XPO6: variants seen among roughly 807,000 people sequenced by gnomAD.
The protein encoded by XPO6 is exportin-6.
Under a neutral mutation model 130.0 loss-of-function variants are expected in XPO6, and 3 were observed. The observed-to-expected ratio is 0.02, with a 90% CI of 0.01 to 0.06. The LOEUF (loss-of-function observed/expected upper bound fraction) is 0.06, where lower values mean the gene tolerates loss of function less well. XPO6 is among the 10% of genes least tolerant of loss of function. The pLI, the probability that XPO6 is intolerant of heterozygous loss-of-function variation, is 1.00. For missense variants in XPO6, 970 were observed against 1,393.0 expected, an observed-to-expected ratio of 0.70 and a Z score of 4.83; for synonymous variants, 524 against 548.9, an observed-to-expected ratio of 0.95 and a Z score of 0.63.
chr16:28,110,131 C>T (rs1280992148), intron 17 of XPO6, among the ~76,000 whole-genome samples: 1 of 152,078 alleles, frequency 6.6e-6, no homozygotes, highest in Non-Finnish European at 1.5e-5. Context: ...GAGGATAAGA[C>T]ATACCTCACA....
intron 7 of XPO6, 53 bp from the exon 8 acceptor site, chr16:28,152,838 A>G: frequency 6.3e-7 from 1 of 1,585,142 alleles, no homozygotes; most frequent in Non-Finnish European, 8.5e-7. Flanking sequence ...ACCTCCTTAG[A>G]ACTTAAATTC....
intron 1 of XPO6, among the ~76,000 whole-genome samples, chr16:28,181,308 C>A (rs1225026333): frequency 6.6e-6 from 1 of 152,176 alleles, no homozygotes; most frequent in Non-Finnish European, 1.5e-5. Flanking sequence ...CAAAATTCAA[C>A]TCTGGAATAA....
chr16:28,162,398 A>G (rs567397936), intron 6 of XPO6, among the ~76,000 whole-genome samples: 3 of 152,336 alleles, frequency 2.0e-5, no homozygotes, highest in Admixed American at 6.5e-5. Flanking sequence ...CTTCCAATGC[A>G]AACCTAAGAG....
chr16:28,180,422 G>T (rs573180964), intron 2 of XPO6, among the ~76,000 whole-genome samples: 1 of 152,242 alleles, frequency 6.6e-6, no homozygotes, highest in African/African-American at 2.4e-5. Flanking sequence ...CAGGCAGTGG[G>T]AAGCCCCCAA....
intron 9 of XPO6, among the ~76,000 whole-genome samples, chr16:28,142,000 T>C (rs1365325353): frequency 6.6e-6 from 1 of 152,230 alleles, no homozygotes; most frequent in African/African-American, 2.4e-5. Context: ...CTATGTATAT[T>C]TGTGCTTCTA....
In XPO6 at chr16:28,156,098, C is replaced by T. The variant is rs768794412; in HGVS notation, c.1073G>A (p.Ser358Asn). The change falls in exon 7 of 24, where the codon AGC becomes AAC. Residue 358 changes from serine to asparagine, a missense_variant. Ser to Asn is a conservative substitution (Grantham distance 46). Transcript: ENST00000304658. ...TKDNNAHTVK[S>N]RLEELDESYI... Reference sequence around the variant, plus strand: ...CCTCTCATCGAGCTCTTCTAGCCTGCTCTTCACTGTGTGGGCATTGTTATC... The same window carrying T: ...CCTCTCATCGAGCTCTTCTAGCCTGTTCTTCACTGTGTGGGCATTGTTATC... 3 of 1,610,622 alleles carry T rather than the reference C, an allele frequency of 1.9e-6. No individual in the cohort carries two copies. The highest frequency in any genetic ancestry group is 1.3e-5 in the African/African-American group (1 of 75,050).
chr16:28,105,168 T>A (rs2086746125), intron 20 of XPO6, among the ~76,000 whole-genome samples: 1 of 152,216 alleles, frequency 6.6e-6, no homozygotes, highest in Admixed American at 6.5e-5. Flanking sequence ...CCACGGAGGC[T>A]AAAGACAGAC....
At chr16:28,112,850 C>A in intron 16 of XPO6, 54 bp downstream of exon 16, 1 of 1,571,360 alleles carries the variant, frequency 6.4e-7, no homozygotes, top group Non-Finnish European at 8.7e-7. Flanking sequence ...CCTCAGCTTC[C>A]TTGGGTCTCA....
chr16:28,156,290 C>A lies in XPO6; in HGVS notation c.881G>T (p.Gly294Val). Residue 294 changes from glycine to valine, a missense_variant, in exon 7 of 24, where the codon GGC (glycine) becomes GTC (valine). Transcript: ENST00000304658. ...ACCCGAGACACAGTTCTGGCTGCTG[C>A]CGTTAACTGACGCCATCTTTCTGGC... ...IRARKMASVN[G>V]SSQNCVSGQE... The A allele has an allele frequency of 6.2e-7, 1 of 1,614,122 alleles. No individual in the cohort carries two copies. The highest frequency in any genetic ancestry group is 8.5e-7 in the Non-Finnish European group (1 of 1,180,018).
intron 5 of XPO6, among the ~76,000 whole-genome samples, chr16:28,167,881 T>C (rs938199933): frequency 7.3e-6 from 1 of 137,044 alleles, no homozygotes; most frequent in African/African-American, 2.8e-5. Context: ...GGCAAATCCA[T>C]AGAGACAGAC....
chr16:28,134,351 C>T (rs970437193), intron 10 of XPO6, among the ~76,000 whole-genome samples: 16 of 152,224 alleles, frequency 1.1e-4, no homozygotes, highest in Non-Finnish European at 1.8e-4. Flanking sequence ...GTCAGAGATG[C>T]AAATTCTATG....
At chr16:28,170,264 G>A (rs1041515838) in intron 4 of XPO6, among the ~76,000 whole-genome samples, 1 of 151,260 alleles carries the variant, frequency 6.6e-6, no homozygotes. Context: ...CCCAGGAGGT[G>A]GAGGTTGTGG....
chr16:28,208,521 C>CA (rs1447077649), intron 1 of XPO6, among the ~76,000 whole-genome samples: 1 of 152,160 alleles, frequency 6.6e-6, no homozygotes, highest in Non-Finnish European at 1.5e-5. Flanking sequence ...ACAAAAAGGA[C>CA]AATCCTATTC....
At chr16:28,142,713 G>C (rs1391619464) in intron 9 of XPO6, among the ~76,000 whole-genome samples, 1 of 152,120 alleles carries the variant, frequency 6.6e-6, no homozygotes, top group African/African-American at 2.4e-5. Context: ...CGGGACTACA[G>C]GCATGCACCA....
At chr16:28,102,502 C>G (rs1326227066) in intron 21 of XPO6, among the ~76,000 whole-genome samples, 3 of 152,322 alleles carry the variant, frequency 2.0e-5, no homozygotes, top group South Asian at 4.1e-4. Context: ...CTTTGGGAAG[C>G]CGAGGTGGGC....
At chr16:28,198,910 G>A (rs993750670) in intron 1 of XPO6, among the ~76,000 whole-genome samples, 3 of 152,112 alleles carry the variant, frequency 2.0e-5, no homozygotes, top group Admixed American at 6.5e-5. Context: ...TTGGGAGGCC[G>A]AGGTGGGTGG....
intron 8 of XPO6, among the ~76,000 whole-genome samples, chr16:28,152,342 T>C (rs189875289): frequency 9.2e-5 from 14 of 152,364 alleles, no homozygotes; most frequent in African/African-American, 3.4e-4. Flanking sequence ...GACTTTTCCT[T>C]TCTTTTGCTT....
rs180813847 is a variant in XPO6 at position 28,192,725 on chromosome 16, G to A, written c.4-11694C>T. 2.5e-3 allele frequency among the ~76,000 whole-genome samples: 381 copies of A among 152,258 alleles called. 3 individuals carry two copies. The highest frequency in any genetic ancestry group is 0.01 in the Middle Eastern group (3 of 294). Reference sequence around the variant, plus strand: ...GGAAGAAATGAGAGGGTGGAGACAGGACCAGAAGAATGTGCCCCAATACTG... The same window carrying A: ...GGAAGAAATGAGAGGGTGGAGACAGAACCAGAAGAATGTGCCCCAATACTG... On this transcript the variant is annotated intron_variant, in intron 1 of 23. Transcript: ENST00000304658.
chr16:28,159,847 C>T (rs1001596016), intron 6 of XPO6, among the ~76,000 whole-genome samples: 3 of 152,136 alleles, frequency 2.0e-5, no homozygotes, highest in African/African-American at 7.2e-5. Context: ...AGAAAAAGCA[C>T]CTCAAGGTCA....
Sources: allele counts gnomAD v4.1 joint callset (sites outside exome capture counted in the v4.1 genomes callset), GRCh38; gene constraint gnomAD v4.1.1; transcripts MANE v1.5; gene names NCBI Gene and HGNC (gene_info 2026-07-23, HGNC 2026-07-21).